SSBP3: variants seen among roughly 807,000 people sequenced by gnomAD.
SSBP3 encodes single-stranded DNA-binding protein 3.
In SSBP3, 5 loss-of-function variants were observed where a neutral mutation model predicts 69.6. That is an observed-to-expected ratio of 0.07 (90% confidence interval 0.04 to 0.15). The LOEUF (loss-of-function observed/expected upper bound fraction) is 0.15. Among genes scored for constraint, SSBP3 ranks in the 10% least tolerant of loss-of-function variants. SSBP3 has a pLI of 1.00. For synonymous variants in SSBP3, 196 were observed against 193.4 expected (o/e 1.01, Z -0.11); for missense variants, 312 against 534.0 (o/e 0.58, Z 4.10).
At chr1:54,337,775 G>A (rs541930450) in intron 4 of SSBP3, among the ~76,000 whole-genome samples, 4 of 152,116 alleles carry the variant, frequency 2.6e-5, no homozygotes, top group African/African-American at 7.2e-5. Context: ...GATGATAGGC[G>A]TGGGCCACCA....
intron 5 of SSBP3, among the ~76,000 whole-genome samples, chr1:54,276,852 G>A (rs147007092): frequency 5.9e-5 from 9 of 152,064 alleles, no homozygotes; most frequent in Non-Finnish European, 8.8e-5. Flanking sequence ...CTCATCTCCC[G>A]CTGAGCACCT....
intron 4 of SSBP3, among the ~76,000 whole-genome samples, chr1:54,338,191 T>C (rs1244790325): frequency 6.6e-6 from 1 of 152,240 alleles, no homozygotes; most frequent in Non-Finnish European, 1.5e-5. Flanking sequence ...GTCCCTCTCC[T>C]GTGTTCACAG....
At chr1:54,280,930 T>A (rs545079812) in intron 5 of SSBP3, among the ~76,000 whole-genome samples, 7 of 151,972 alleles carry the variant, frequency 4.6e-5, no homozygotes, top group Non-Finnish European at 1.0e-4. Context: ...AAAAATCAAG[T>A]GGTTAACCAG....
At chr1:54,290,428 T>C (rs1351382429) in intron 4 of SSBP3, among the ~76,000 whole-genome samples, 3 of 152,216 alleles carry the variant, frequency 2.0e-5, no homozygotes, top group Non-Finnish European at 4.4e-5. Context: ...TAAGATTCCC[T>C]GACCACAGCA....
At chr1:54,409,837 A>G (rs779882055), upstream of SSBP3, among the ~76,000 whole-genome samples, 6 of 151,856 alleles carry the variant, frequency 4.0e-5, no homozygotes, top group Non-Finnish European at 7.4e-5. Flanking sequence ...GCCTTGGGAG[A>G]TAAACCAGAC....
At chr1:54,256,953 G>A (rs1281033465) in intron 7 of SSBP3, among the ~76,000 whole-genome samples, 174 bp downstream of exon 7, 2 of 152,164 alleles carry the variant, frequency 1.3e-5, no homozygotes, top group Non-Finnish European at 2.9e-5. Context: ...GCCGCACCAT[G>A]GGCACAGCGG....
chr1:54,374,543 C>T (rs1647185732), intron 4 of SSBP3, among the ~76,000 whole-genome samples: 1 of 152,168 alleles, frequency 6.6e-6, no homozygotes, highest in South Asian at 2.1e-4. Context: ...GTTCACAAAC[C>T]ACCCTCAACT....
intron 4 of SSBP3, among the ~76,000 whole-genome samples, chr1:54,343,123 T>C (rs539080160): frequency 3.9e-5 from 6 of 152,284 alleles, no homozygotes; most frequent in Non-Finnish European, 7.4e-5. Context: ...ACCAGGGGGA[T>C]ACTTAGGACA....
intron 5 of SSBP3, among the ~76,000 whole-genome samples, chr1:54,268,080 CG>C (rs1645131920): frequency 6.6e-6 from 1 of 152,206 alleles, no homozygotes; most frequent in Non-Finnish European, 1.5e-5. Context: ...CTGTGCCCCA[CG>C]GGGAGAGTCC....
chr1:54,237,988 T>G, intron 14 of SSBP3: 1 of 378,218 alleles, frequency 2.6e-6, no homozygotes, highest in Non-Finnish European at 5.5e-6. Context: ...CATCCCTCTG[T>G]GTGGGTTTCA....
At chr1:54,406,090 C>A (rs1353158181) in exon 1 of SSBP3, 4 of 1,188,374 alleles carry the variant, frequency 3.4e-6, no homozygotes, top group South Asian at 1.7e-5. Context: ...AGCTGCCCCT[C>A]GCTCCCGGCC....
chr1:54,382,227 G>A (rs146993943), intron 4 of SSBP3, among the ~76,000 whole-genome samples: 23 of 152,290 alleles, frequency 1.5e-4, no homozygotes, highest in African/African-American at 5.3e-4. Context: ...CAGATGTGCA[G>A]TAAGCATTTT....
intron 14 of SSBP3, chr1:54,237,784 G>C: frequency 4.8e-6 from 1 of 209,820 alleles, no homozygotes; most frequent in Non-Finnish European, 9.8e-6. Flanking sequence ...GCCCAACACT[G>C]AATCTGCAGC....
Position 54,265,831 on chromosome 1 carries a change from C to T in SSBP3, c.367-7682G>A, listed in dbSNP as rs60176980. 6.6e-3 allele frequency among the ~76,000 whole-genome samples: 1,010 copies of T among 152,336 alleles called. 11 individuals carry two copies. The highest frequency in any genetic ancestry group is 0.023 in the African/African-American group (950 of 41,572). On this transcript the variant is annotated intron_variant, in intron 5 of 17. Coordinates refer to ENST00000610401, the Ensembl canonical transcript of SSBP3. Reference sequence around the variant, plus strand: ...AGGCCCCAGCCGACCTCCCTTCCTCCTAGCAGTCTCTCCAAGGAGCCAGGG... The same window carrying T: ...AGGCCCCAGCCGACCTCCCTTCCTCTTAGCAGTCTCTCCAAGGAGCCAGGG...
At chr1:54,259,853 G>A (rs1389593179) in intron 5 of SSBP3, among the ~76,000 whole-genome samples, 10 of 152,342 alleles carry the variant, frequency 6.6e-5, no homozygotes, top group East Asian at 1.9e-4. Context: ...TACCTGCCAC[G>A]CTACTAATTT....
chr1:54,395,064 A>G (rs1215699146), intron 4 of SSBP3, among the ~76,000 whole-genome samples: 1 of 151,804 alleles, frequency 6.6e-6, no homozygotes, highest in Non-Finnish European at 1.5e-5. Flanking sequence ...TCCACATACA[A>G]TAAAAGGGGA....
At chr1:54,264,944 C>CTG (rs1645076566) in intron 5 of SSBP3, among the ~76,000 whole-genome samples, 1 of 152,214 alleles carries the variant, frequency 6.6e-6, no homozygotes, top group African/African-American at 2.4e-5. Flanking sequence ...TACTGGCGGC[C>CTG]TGTGTAATCT....
At chr1:54,402,851 A>T (rs2100820132) in intron 3 of SSBP3, among the ~76,000 whole-genome samples, 1 of 152,336 alleles carries the variant, frequency 6.6e-6, no homozygotes, top group South Asian at 2.1e-4. Flanking sequence ...AGTGATATTA[A>T]CAAGGGACCT....
chr1:54,360,475 AGCGCTG>A (rs1186999088), intron 4 of SSBP3, among the ~76,000 whole-genome samples: 6 of 152,182 alleles, frequency 3.9e-5, no homozygotes, highest in African/African-American at 1.4e-4. Context: ...ACAGAATAAC[AGCGCTG>A]GAAGGGGCTC....
Sources: allele counts gnomAD v4.1 joint callset (sites outside exome capture counted in the v4.1 genomes callset), GRCh38; gene constraint gnomAD v4.1.1; transcripts MANE v1.5; gene names NCBI Gene and HGNC (gene_info 2026-07-23, HGNC 2026-07-21).